The following TAFA1 variants were observed in gnomAD, a reference collection of about 807,000 sequenced individuals.
The protein encoded by TAFA1 is TAFA chemokine like family member 1.
In TAFA1, 4 loss-of-function variants were observed where a neutral mutation model predicts 18.5. The ratio of observed to expected loss-of-function variants is 0.22; its 90% CI spans 0.11 to 0.49. The LOEUF is 0.49. Ranked by LOEUF, TAFA1 falls within the 20% of genes least tolerant of loss-of-function variation. The pLI is 0.98. For missense variants in TAFA1, 147 were observed against 169.0 expected, an observed-to-expected ratio of 0.87 and a Z score of 0.72; for synonymous variants, 56 against 55.2, an observed-to-expected ratio of 1.01 and a Z score of -0.06.
At chr3:68,046,883 T>C (rs2064393044) in intron 2 of TAFA1, among the ~76,000 whole-genome samples, 1 of 152,182 alleles carries the variant, frequency 6.6e-6, no homozygotes, top group Admixed American at 6.5e-5. Context: ...CCTGATGATA[T>C]TAGTTTATCC....
chr3:68,214,680 G>T (rs1033082514), intron 2 of TAFA1, among the ~76,000 whole-genome samples: 4 of 152,020 alleles, frequency 2.6e-5, no homozygotes, highest in African/African-American at 9.7e-5. Context: ...GATATTATGT[G>T]CTAAATTCTT....
At chr3:68,070,448 C>T (rs1472648325) in intron 2 of TAFA1, among the ~76,000 whole-genome samples, 5 of 152,192 alleles carry the variant, frequency 3.3e-5, no homozygotes, top group African/African-American at 7.2e-5. Flanking sequence ...ATCTTGTCCA[C>T]CTAGGCCAGT....
intron 3 of TAFA1, among the ~76,000 whole-genome samples, chr3:68,475,847 C>T (rs970618580): frequency 6.6e-6 from 1 of 152,126 alleles, no homozygotes; most frequent in Non-Finnish European, 1.5e-5. Context: ...TTAATGATCG[C>T]CATTCTAACT....
chr3:68,478,849 A>G (rs931076307), intron 3 of TAFA1, among the ~76,000 whole-genome samples: 3 of 151,768 alleles, frequency 2.0e-5, no homozygotes, highest in South Asian at 2.1e-4. Flanking sequence ...CAAAAATTAA[A>G]TCAATTTTAT....
chr3:68,444,390 C>T (rs1041867562), intron 3 of TAFA1, among the ~76,000 whole-genome samples: 7 of 152,112 alleles, frequency 4.6e-5, no homozygotes, highest in African/African-American at 1.2e-4. Context: ...CTGTCACTCT[C>T]GTGTGACAAG....
intron 2 of TAFA1, among the ~76,000 whole-genome samples, chr3:68,305,028 G>A (rs1040612095): frequency 2.0e-5 from 3 of 152,036 alleles, no homozygotes; most frequent in African/African-American, 7.2e-5. Context: ...AAGTACCACA[G>A]ATTGGGTGGC....
chr3:68,137,781 G>A lies in TAFA1; in HGVS notation c.118+131037G>A, dbSNP rs149194200. 1.8e-3 allele frequency among the ~76,000 whole-genome samples: 279 copies of A among 152,226 alleles called. 2 individuals carry two copies. The highest frequency in any genetic ancestry group is 5.6e-3 in the African/African-American group (234 of 41,558). ...AAAGGCCCAGATAGGTCATCTTCAC[G>A]TCTGGCTGGCACTTAAACTTGGCCT... is the stretch of plus-strand genomic sequence containing the variant. On this transcript the variant is annotated intron_variant, in intron 2 of 4. Coordinates refer to ENST00000478136, the MANE Select transcript of TAFA1 (RefSeq NM_213609.4).
At chr3:68,325,280 G>A (rs570796471) in intron 2 of TAFA1, among the ~76,000 whole-genome samples, 86 of 152,268 alleles carry the variant, frequency 5.6e-4, no homozygotes, top group African/African-American at 1.4e-3. Context: ...CCTGTAGAGC[G>A]ACGTGGTTGG....
chr3:68,024,050 C>T (rs1401849371), intron 2 of TAFA1, among the ~76,000 whole-genome samples: 1 of 152,160 alleles, frequency 6.6e-6, no homozygotes, highest in Non-Finnish European at 1.5e-5. Context: ...GCATTCAATA[C>T]TACACTGTCT....
upstream of TAFA1, among the ~76,000 whole-genome samples, chr3:68,002,313 T>A (rs1032832811): frequency 9.9e-5 from 15 of 152,226 alleles, no homozygotes; most frequent in Admixed American, 7.9e-4. Context: ...TATTCCAGTA[T>A]TTTTTTCTTA....
chr3:68,295,904 T>C (rs916296825), intron 2 of TAFA1, among the ~76,000 whole-genome samples: 2 of 152,164 alleles, frequency 1.3e-5, no homozygotes, highest in Non-Finnish European at 2.9e-5. Context: ...GCCTTCTGAG[T>C]AGCTGAGACC....
At chr3:68,046,408 TA>T (rs2064384070) in intron 2 of TAFA1, among the ~76,000 whole-genome samples, 1 of 152,170 alleles carries the variant, frequency 6.6e-6, no homozygotes, top group Non-Finnish European at 1.5e-5. Flanking sequence ...TCAACTTTAT[TA>T]AAAAATTTTT....
At chr3:68,505,850 G>A (rs1471368052) in intron 3 of TAFA1, among the ~76,000 whole-genome samples, 1 of 151,312 alleles carries the variant, frequency 6.6e-6, no homozygotes, top group Non-Finnish European at 1.5e-5. Context: ...AATCATGGGA[G>A]TGGCATTCCC....
chr3:68,160,853 C>T (rs1042467878), intron 2 of TAFA1, among the ~76,000 whole-genome samples: 1 of 152,166 alleles, frequency 6.6e-6, no homozygotes, highest in African/African-American at 2.4e-5. Context: ...TGGCTAACCG[C>T]AGAGCCCATG....
At chr3:68,509,649 G>A (rs981561889) in intron 3 of TAFA1, among the ~76,000 whole-genome samples, 1 of 152,036 alleles carries the variant, frequency 6.6e-6, no homozygotes, top group African/African-American at 2.4e-5. Context: ...AAAACCCAAA[G>A]CCTCTTGAAA....
At chr3:68,202,495 T>C (rs997972300) in intron 2 of TAFA1, among the ~76,000 whole-genome samples, 3 of 151,782 alleles carry the variant, frequency 2.0e-5, no homozygotes, top group South Asian at 2.1e-4. Flanking sequence ...ATAATTCAAT[T>C]CTCTCTCCTT....
chr3:68,042,655 C>T (rs1470236359), intron 2 of TAFA1, among the ~76,000 whole-genome samples: 1 of 152,130 alleles, frequency 6.6e-6, no homozygotes, highest in Non-Finnish European at 1.5e-5. Flanking sequence ...ATCTCAAACA[C>T]ACAAACAAAA....
chr3:68,530,344 A>G (rs1462182923), intron 3 of TAFA1, among the ~76,000 whole-genome samples: 1 of 152,234 alleles, frequency 6.6e-6, no homozygotes, highest in East Asian at 1.9e-4. Context: ...ATACTGAAAT[A>G]AAGGATTGAT....
chr3:68,033,231 C>T (rs1047574330), intron 2 of TAFA1, among the ~76,000 whole-genome samples: 1 of 152,092 alleles, frequency 6.6e-6, no homozygotes, highest in Non-Finnish European at 1.5e-5. Context: ...TTTTCTGTAC[C>T]TGAGCTTTCA....
Sources: allele counts gnomAD v4.1 joint callset (sites outside exome capture counted in the v4.1 genomes callset), GRCh38; gene constraint gnomAD v4.1.1; transcripts MANE v1.5; gene names NCBI Gene and HGNC (gene_info 2026-07-23, HGNC 2026-07-21).